Variants in BAZ1A observed in about 807,000 individuals in gnomAD.
BAZ1A encodes the protein bromodomain adjacent to zinc finger domain protein 1A.
A neutral mutation model predicts 185.2 loss-of-function variants in BAZ1A; 50 were observed. The ratio of observed to expected loss-of-function variants is 0.27; its 90% CI spans 0.22 to 0.34. The LOEUF is 0.34. Among genes scored for constraint, BAZ1A ranks in the 10% least tolerant of loss-of-function variants. The pLI, the probability that BAZ1A is intolerant of heterozygous loss-of-function variation, is 1.00. For synonymous variants in BAZ1A, 571 were observed against 615.6 expected (o/e 0.93, Z 1.07); for missense variants, 1,356 against 1,839.9 (o/e 0.74, Z 4.81).
chr14:34,812,225 T>TG (rs1289789721), intron 4 of BAZ1A, among the ~76,000 whole-genome samples: 164 of 102,940 alleles, frequency 1.6e-3, no homozygotes, highest in African/African-American at 4.9e-3. Context: ...AGCAGAGATC[T>TG]GGGGGGGGAG....
intron 3 of BAZ1A, among the ~76,000 whole-genome samples, chr14:34,832,545 A>G (rs1424111174): frequency 2.0e-5 from 3 of 152,098 alleles, no homozygotes; most frequent in Admixed American, 6.6e-5. Context: ...CAATAAGCAC[A>G]TGAAAGATGC....
chr14:34,861,740 G>A (rs2042771740), intron 3 of BAZ1A, among the ~76,000 whole-genome samples: 1 of 152,122 alleles, frequency 6.6e-6, no homozygotes, highest in Non-Finnish European at 1.5e-5. Flanking sequence ...AAGTGAAAAG[G>A]GATCTAGAGT....
At chr14:34,837,990 GCTT>G (rs1177380554) in intron 3 of BAZ1A, among the ~76,000 whole-genome samples, 1 of 152,112 alleles carries the variant, frequency 6.6e-6, no homozygotes, top group African/African-American at 2.4e-5. Context: ...ATAGGAAAAG[GCTT>G]CTTGTCTTTC....
Position 34,753,469 on chromosome 14 carries a change from ATTTG to A in BAZ1A, c.*35_*38del. The A allele has an allele frequency of 6.2e-7, 1 of 1,601,596 alleles. No individual in the cohort carries two copies. On this transcript the variant is annotated 3_prime_UTR_variant, in exon 27 of 27. Coordinates refer to ENST00000360310, the MANE Select transcript of BAZ1A (RefSeq NM_013448.3). Reference sequence around the variant, plus strand: ...ATTTAATGTTCCATTTTCATGAACAATTTGTTTTTCTTCAAATATATCCTTTAGA... The same window carrying A: ...ATTTAATGTTCCATTTTCATGAACAATTTTTCTTCAAATATATCCTTTAGA...
intron 3 of BAZ1A, among the ~76,000 whole-genome samples, chr14:34,828,170 G>A (rs1331112117): frequency 6.6e-6 from 1 of 151,736 alleles, no homozygotes; most frequent in Non-Finnish European, 1.5e-5. Context: ...GCACATGCCT[G>A]TAATCCCAGC....
intron 11 of BAZ1A, among the ~76,000 whole-genome samples, chr14:34,793,426 GAC>G (rs1880978639): frequency 1.3e-5 from 2 of 152,260 alleles, no homozygotes; most frequent in East Asian, 1.9e-4. Flanking sequence ...TGATCTATAA[GAC>G]ACAATGATTC....
intron 12 of BAZ1A, among the ~76,000 whole-genome samples, chr14:34,787,407 G>A (rs530830056): frequency 2.8e-5 from 4 of 143,150 alleles, no homozygotes; most frequent in Admixed American, 1.4e-4. Flanking sequence ...AGTGGGGGCC[G>A]GGCGCGGTGG....
chr14:34,841,655 G>A (rs572882311), intron 3 of BAZ1A, among the ~76,000 whole-genome samples: 26 of 152,232 alleles, frequency 1.7e-4, no homozygotes, highest in African/African-American at 6.0e-4. Context: ...CAAAGTGCTG[G>A]GATTACAGGT....
intron 4 of BAZ1A, 50 bp from the exon 5 acceptor site, chr14:34,811,086 A>G (rs2041923919): frequency 7.9e-7 from 1 of 1,266,044 alleles, no homozygotes; most frequent in African/African-American, 1.5e-5. Context: ...TTGGAAAATG[A>G]AATTTTAAAT....
intron 18 of BAZ1A, 62 bp downstream of exon 18, chr14:34,775,857 C>T: frequency 7.3e-7 from 1 of 1,368,660 alleles, no homozygotes; most frequent in Non-Finnish European, 1.0e-6. Context: ...ACGCTTAATC[C>T]TGAATGACCA....
chr14:34,803,361 G>C (rs555653188), intron 6 of BAZ1A, among the ~76,000 whole-genome samples: 12 of 130,730 alleles, frequency 9.2e-5, no homozygotes, highest in African/African-American at 3.1e-4. Context: ...CCTGGTGACA[G>C]AGTAAGACTC....
chr14:34,854,805 C>T (rs1192396630), intron 3 of BAZ1A, among the ~76,000 whole-genome samples: 1 of 152,034 alleles, frequency 6.6e-6, no homozygotes, highest in East Asian at 1.9e-4. Flanking sequence ...GTTGGCTCGG[C>T]ACAGTGGCTC....
In BAZ1A at chr14:34,862,305, G is replaced by C. The variant is rs1308638821; in HGVS notation, c.131C>G (p.Thr44Ser). Residue 44 changes from threonine (T) to serine (S), a missense_variant, in exon 3 of 27, where the codon ACC (threonine) becomes AGC (serine). Physicochemically the swap from Thr to Ser is moderately conservative, Grantham distance 58. Around this residue, in one of 7 missense-constraint regions of BAZ1A, gnomAD observed 332 missense variants for 395.3 expected, o/e 0.84. Coordinates refer to ENST00000360310, the MANE Select transcript of BAZ1A (RefSeq NM_013448.3). ...FRHYDDFFERTILCNSLVWSC... is the reference protein window; with the variant it reads ...FRHYDDFFERSILCNSLVWSC... ...CCACACAAGGCTGTTGCACAGAATG[G>C]TTCGTTCAAAAAAGTCACTGATTAA... 3 of 1,599,584 alleles carry C rather than the reference G, an allele frequency of 1.9e-6. No individual in the cohort carries two copies. Among genetic ancestry groups the C allele is most frequent in the Admixed American group, 3.5e-5 (2 of 57,290 alleles).
Position 34,773,675 on chromosome 14 carries a change from G to A in BAZ1A, c.3049C>T (p.Leu1017=). 6.2e-7 allele frequency: 1 copy of A among 1,613,562 alleles called. No individual in the cohort carries two copies. The highest frequency in any genetic ancestry group is 8.5e-7 in the Non-Finnish European group (1 of 1,179,838). ...TTTTCCTTGTTTTCCTCACTTAACA[G>A]CTCATACCGTCCACTTTCTAATGCT... The part of the protein sequence containing the change: ...RSALESGRYE[L]LSEENKENGI... The change falls in exon 20 of 27, where the codon CTG becomes TTG. Residue 1017 remains leucine, a synonymous_variant. Coordinates refer to ENST00000360310, the MANE Select transcript of BAZ1A (RefSeq NM_013448.3).
At chr14:34,844,239 T>C (rs1350057881) in intron 3 of BAZ1A, among the ~76,000 whole-genome samples, 1 of 144,020 alleles carries the variant, frequency 6.9e-6, no homozygotes, top group African/African-American at 2.6e-5. Context: ...AAAAGAATGG[T>C]TTAAACACTT....
rs1271702169 is a variant in BAZ1A, at chr14:34,761,920, G to A, written c.4080C>T (p.Gly1360=). ...CTGGTGTATTATTAGCACTTTTCCT[G>A]CCTCTGCGTTTTCTACGAGGACTAA... ...ELLSPRRKRR[G]RKSANNTPEN... Residue 1360 remains glycine (G), a synonymous_variant, in exon 24 of 27, where the codon GGC becomes GGT. Coordinates refer to ENST00000360310, the MANE Select transcript of BAZ1A (RefSeq NM_013448.3). The A allele has an allele frequency of 6.2e-7, 1 of 1,614,072 alleles. No individual in the cohort carries two copies. The highest frequency in any genetic ancestry group is 1.3e-5 in the African/African-American group (1 of 74,918).
chr14:34,783,663 G>A (rs1880203812), intron 15 of BAZ1A, 99 bp downstream of exon 15: 1 of 1,431,776 alleles, frequency 7.0e-7, no homozygotes, highest in Non-Finnish European at 9.4e-7. Flanking sequence ...TCAAACATCA[G>A]TATAATGAAT....
chr14:34,862,547 A>T (rs917424690), intron 2 of BAZ1A, among the ~76,000 whole-genome samples: 3 of 152,188 alleles, frequency 2.0e-5, no homozygotes, highest in African/African-American at 7.2e-5. Flanking sequence ...ATTTAAAGGT[A>T]CATCAGTCAA....
At chr14:34,850,936 T>A (rs2042586752) in intron 3 of BAZ1A, among the ~76,000 whole-genome samples, 1 of 152,188 alleles carries the variant, frequency 6.6e-6, no homozygotes, top group South Asian at 2.1e-4. Flanking sequence ...GTGGAAATTA[T>A]GCAGAAAAAC....
Sources: gnomAD v4.1 joint callset for allele counts (sites outside exome capture counted in the v4.1 genomes callset) on GRCh38, gnomAD v4.1.1 for gene constraint, gnomAD v4.1.1 regional missense constraint, MANE v1.5 for transcripts, NCBI Gene and HGNC (gene_info 2026-07-23, HGNC 2026-07-21) for gene names.